The following ETV6 variants were observed in gnomAD, a reference collection of about 807,000 sequenced individuals.
The protein encoded by ETV6 is ETS variant transcription factor 6.
ETV6 carries 16 observed loss-of-function variants against 51.1 expected under a neutral mutation model. The ratio of observed to expected loss-of-function variants is 0.31; its 90% CI spans 0.21 to 0.48. The LOEUF (loss-of-function observed/expected upper bound fraction) is 0.48. ETV6 is among the 20% of genes least tolerant of loss of function. ETV6 has a pLI of 0.99. For synonymous variants in ETV6, 240 were observed against 224.1 expected, an observed-to-expected ratio of 1.07 and a Z score of -0.64; for missense variants, 458 against 594.8, an observed-to-expected ratio of 0.77 and a Z score of 2.39.
chr12:11,738,548 C>A (rs1865752768), intron 1 of ETV6, among the ~76,000 whole-genome samples: 1 of 151,846 alleles, frequency 6.6e-6, no homozygotes, highest in African/African-American at 2.4e-5. Flanking sequence ...CTCAAGTGAT[C>A]CTCCTGCCTC....
intron 3 of ETV6, among the ~76,000 whole-genome samples, chr12:11,848,602 C>G (rs1372619002): frequency 2.6e-5 from 4 of 152,248 alleles, no homozygotes; most frequent in African/African-American, 7.2e-5. Flanking sequence ...TGTTTTGTTT[C>G]TGTGTGTGCG....
intron 1 of ETV6, among the ~76,000 whole-genome samples, chr12:11,711,836 C>A (rs1865178269): frequency 6.6e-6 from 1 of 152,184 alleles, no homozygotes; most frequent in Non-Finnish European, 1.5e-5. Flanking sequence ...GTATTTTGAT[C>A]AACATTTTGG....
At chr12:11,739,221 T>G (rs1865764688) in intron 1 of ETV6, among the ~76,000 whole-genome samples, 1 of 152,108 alleles carries the variant, frequency 6.6e-6, no homozygotes, top group Non-Finnish European at 1.5e-5. Flanking sequence ...AAGGGGCCTC[T>G]AGTATGAGGG....
At chr12:11,694,589 CA>C (rs1864837897) in intron 1 of ETV6, among the ~76,000 whole-genome samples, 1 of 152,200 alleles carries the variant, frequency 6.6e-6, no homozygotes, top group South Asian at 2.1e-4. Context: ...CTCTCGCTTT[CA>C]AAACAGTACT....
At chr12:11,785,418 G>A (rs1022210309) in intron 2 of ETV6, among the ~76,000 whole-genome samples, 5 of 152,060 alleles carry the variant, frequency 3.3e-5, no homozygotes, top group Non-Finnish European at 7.4e-5. Context: ...TTGACACAGT[G>A]TATATTTTAC....
intron 2 of ETV6, among the ~76,000 whole-genome samples, chr12:11,784,733 C>T (rs1314805300): frequency 6.6e-6 from 1 of 152,054 alleles, no homozygotes; most frequent in Non-Finnish European, 1.5e-5. Context: ...CTGAGACAGG[C>T]TCTTGCCTCG....
chr12:11,837,251 G>A (rs1012818004), intron 2 of ETV6, among the ~76,000 whole-genome samples: 1 of 152,082 alleles, frequency 6.6e-6, no homozygotes, highest in African/African-American at 2.4e-5. Flanking sequence ...AAGCAGTAAT[G>A]CACCATAAAT....
Position 11,895,349 on chromosome 12 carries a change from A to C in ETV6, c.*4303A>C, listed in dbSNP as rs1947377490. ...GCCAGTGAGTTGCAAATAATTTTTA[A>C]AGAAAAGCCTATAATTACATCATCT... On this transcript the variant is annotated 3_prime_UTR_variant, in exon 8 of 8. Transcript: ENST00000396373. 4.3e-6 allele frequency: 1 copy of C among 231,518 alleles called. No individual in the cohort carries two copies. The highest frequency in any genetic ancestry group is 8.6e-6 in the Non-Finnish European group (1 of 116,844). The allele number at this position is 231,518 out of a possible 1,614,324, so 14.3% of individuals were successfully genotyped here. A position where few individuals can be genotyped will look rare whatever the true frequency, so the allele number is the denominator to read the frequency against.
chr12:11,797,332 T>C (rs1945694449), intron 2 of ETV6, among the ~76,000 whole-genome samples: 1 of 152,174 alleles, frequency 6.6e-6, no homozygotes. Flanking sequence ...GAAGTTTCAG[T>C]ACCAGATAGT....
chr12:11,871,810 T>C (rs1225203934), intron 5 of ETV6, among the ~76,000 whole-genome samples: 1 of 152,168 alleles, frequency 6.6e-6, no homozygotes, highest in African/African-American at 2.4e-5. Flanking sequence ...GTTAATATTA[T>C]TGATCTCTCT....
At chr12:11,736,834 A>G (rs1376148900) in intron 1 of ETV6, among the ~76,000 whole-genome samples, 1 of 152,238 alleles carries the variant, frequency 6.6e-6, no homozygotes, top group Non-Finnish European at 1.5e-5. Flanking sequence ...CTAGGTGGAA[A>G]CACAGGACAA....
intron 1 of ETV6, among the ~76,000 whole-genome samples, chr12:11,727,048 A>T (rs536269426): frequency 6.6e-6 from 1 of 152,364 alleles, no homozygotes; most frequent in Admixed American, 6.5e-5. Context: ...AGCAATTCAG[A>T]GAAAGGGCAC....
At chr12:11,712,586 G>A (rs1043394637) in intron 1 of ETV6, among the ~76,000 whole-genome samples, 4 of 152,198 alleles carry the variant, frequency 2.6e-5, no homozygotes, top group Non-Finnish European at 5.9e-5. Flanking sequence ...ATGTAGGGAT[G>A]GCAGGCTGGA....
intron 4 of ETV6, among the ~76,000 whole-genome samples, chr12:11,857,420 C>G (rs908913261): frequency 2.6e-5 from 4 of 152,206 alleles, no homozygotes; most frequent in Non-Finnish European, 5.9e-5. Flanking sequence ...ATAATGTACT[C>G]CATTCTGAAA....
chr12:11,861,654 T>C (rs1438750005), intron 4 of ETV6, among the ~76,000 whole-genome samples: 1 of 152,124 alleles, frequency 6.6e-6, no homozygotes, highest in Non-Finnish European at 1.5e-5. Context: ...GCAGGAAGTC[T>C]CCAAGAGACT....
In ETV6 at chr12:11,650,106, C is replaced by T. The variant is rs1279613989; in HGVS notation, c.-22C>T. The T allele has an allele frequency of 2.5e-6, 4 of 1,612,948 alleles. No individual in the cohort carries two copies. In the East Asian group the frequency reaches 6.7e-5, roughly 27 times the overall value. On this transcript the variant is annotated 5_prime_UTR_variant, in exon 1 of 8. Transcript: ENST00000396373. ...AAAGTGGAAAAAACCTGAGAACTTC[C>T]TGATCTCTCTCGCTGTGAGACATGT... is the stretch of plus-strand genomic sequence containing the variant.
intron 5 of ETV6, among the ~76,000 whole-genome samples, chr12:11,872,187 C>T (rs1375610664): frequency 2.0e-5 from 3 of 152,230 alleles, no homozygotes; most frequent in Non-Finnish European, 2.9e-5. Context: ...GGGGAAACCA[C>T]AGAGGAAACT....
At chr12:11,871,260 C>T (rs552636946) in intron 5 of ETV6, among the ~76,000 whole-genome samples, 1 of 148,644 alleles carries the variant, frequency 6.7e-6, no homozygotes, top group East Asian at 2.0e-4. Flanking sequence ...GGAATCTCGG[C>T]TCACTGCAAG....
At chr12:11,818,852 C>G (rs1043966854) in intron 2 of ETV6, among the ~76,000 whole-genome samples, 1 of 152,068 alleles carries the variant, frequency 6.6e-6, no homozygotes, top group Non-Finnish European at 1.5e-5. Context: ...CCCAGGCAGC[C>G]TCACCTCCTC....
Sources: allele counts gnomAD v4.1 joint callset (sites outside exome capture counted in the v4.1 genomes callset), GRCh38; gene constraint gnomAD v4.1.1; transcripts MANE v1.5; gene names NCBI Gene and HGNC (gene_info 2026-07-23, HGNC 2026-07-21).